The following IFT57 variants were observed in gnomAD, a reference collection of about 807,000 sequenced individuals.
The protein encoded by IFT57 is intraflagellar transport protein 57 homolog.
IFT57 carries 59 observed loss-of-function variants against 56.8 expected under a neutral mutation model. The ratio of observed to expected loss-of-function variants is 1.04; its 90% CI spans 0.84 to 1.29. The LOEUF is 1.29. Ranked by LOEUF, IFT57 falls within the 50% of genes most tolerant of loss-of-function variation. The pLI is 0.00. For missense variants in IFT57, 470 were observed against 522.1 expected (o/e 0.90, Z 0.97); for synonymous variants, 209 against 186.1 (o/e 1.12, Z -1.00).
rs114778192 is a variant in IFT57 at position 108,219,414 on chromosome 3, G to C, written c.371C>G (p.Ser124Ter). Reference protein sequence around the residue: ...TISNILSELRSFGRTADFPPS... With the variant: ...TISNILSELR ...AGAAGGGTCGTTTACACTTACAAAT[G>C]ACCGAAGCTCGGATAGTATGTTAGA... Residue 124 changes from serine to a stop codon, truncating the protein, a stop_gained, in exon 2 of 11, where the codon TCA (serine) becomes TGA (stop). Coordinates refer to ENST00000264538, the MANE Select transcript of IFT57 (RefSeq NM_018010.4). LOFTEE classifies it high-confidence loss of function. The C allele has an allele frequency of 3.7e-5, 59 of 1,600,850 alleles. No individual in the cohort carries two copies. Among genetic ancestry groups the C allele is most frequent in the Non-Finnish European group, 5.0e-5 (58 of 1,169,078 alleles).
intron 10 of IFT57, among the ~76,000 whole-genome samples, chr3:108,163,080 A>T (rs1288765007): frequency 6.6e-6 from 1 of 152,164 alleles, no homozygotes; most frequent in Non-Finnish European, 1.5e-5. Context: ...CTTTTGCAAG[A>T]TCATTCAGTA....
At chr3:108,197,028 T>G (rs1252994819) in intron 5 of IFT57, among the ~76,000 whole-genome samples, 1 of 152,160 alleles carries the variant, frequency 6.6e-6, no homozygotes. Flanking sequence ...ACAAGAGAAA[T>G]AAACTGCTTT....
intron 4 of IFT57, among the ~76,000 whole-genome samples, chr3:108,213,102 A>T (rs930208791): frequency 6.6e-6 from 1 of 152,096 alleles, no homozygotes; most frequent in African/African-American, 2.4e-5. Flanking sequence ...GCTTACTTTT[A>T]GTGTAAGAAT....
chr3:108,205,725 T>C (rs552315123), intron 5 of IFT57, among the ~76,000 whole-genome samples: 9 of 145,910 alleles, frequency 6.2e-5, no homozygotes, highest in African/African-American at 1.2e-4. Flanking sequence ...GAGGGTACAA[T>C]AGGTATATAT....
Position 108,165,418 on chromosome 3 carries a change from C to G in IFT57, c.1044+13G>C, listed in dbSNP as rs1404541597. The G allele has an allele frequency of 6.2e-7, 1 of 1,609,252 alleles. No homozygotes were observed. Among genetic ancestry groups the G allele is most frequent in the South Asian group, 1.1e-5 (1 of 90,986 alleles). On this transcript the variant is annotated intron_variant, in intron 9 of 10. Transcript: ENST00000264538. ...TGACAGGTGAGAAGCAGGGCAAGAG[C>G]ATCAGTGTGTACCTCAGAGAGGAGT...
chr3:108,163,025 G>C (rs1365463618), intron 10 of IFT57, among the ~76,000 whole-genome samples: 2 of 152,036 alleles, frequency 1.3e-5, no homozygotes, highest in Non-Finnish European at 2.9e-5. Context: ...TGTAGATAAT[G>C]GGCCCACTTA....
chr3:108,192,676 T>G (rs9853355), intron 5 of IFT57, among the ~76,000 whole-genome samples: 14,589 of 151,952 alleles, frequency 0.096, 750 homozygotes, highest in Middle Eastern at 0.12. Flanking sequence ...GAGAAAAAGA[T>G]ACTAAAGGGA....
At chr3:108,179,976 C>G (rs2108313473) in intron 6 of IFT57, among the ~76,000 whole-genome samples, 1 of 152,012 alleles carries the variant, frequency 6.6e-6, no homozygotes, top group South Asian at 2.1e-4. Flanking sequence ...ATCATGATCG[C>G]TGGAAATATG....
At chr3:108,177,961 G>C (rs941789597) in intron 6 of IFT57, among the ~76,000 whole-genome samples, 6 of 151,580 alleles carry the variant, frequency 4.0e-5, no homozygotes, top group African/African-American at 1.5e-4. Flanking sequence ...ACTGTTTAAA[G>C]TGAATTTAAC....
intron 6 of IFT57, among the ~76,000 whole-genome samples, chr3:108,189,753 T>TAGAAAATCCATGTATA (rs78101303): frequency 0.096 from 14,621 of 152,160 alleles, 764 homozygotes; most frequent in Middle Eastern, 0.12. Flanking sequence ...CTTTGTGCAG[T>TAGAAAATCCATGTATA]AGTTTTGACT....
At chr3:108,211,471 T>G (rs2080342341) in intron 4 of IFT57, among the ~76,000 whole-genome samples, 1 of 152,236 alleles carries the variant, frequency 6.6e-6, no homozygotes, top group Non-Finnish European at 1.5e-5. Context: ...CCCCCTCACT[T>G]AGGAGCTCTG....
intron 8 of IFT57, 72 bp downstream of exon 8, chr3:108,166,782 A>T: frequency 7.9e-7 from 1 of 1,258,838 alleles, no homozygotes; most frequent in East Asian, 2.5e-5. Context: ...TCTCAAATGA[A>T]CAGTATTGTG....
intron 5 of IFT57, among the ~76,000 whole-genome samples, chr3:108,195,964 T>C (rs1039628702): frequency 2.6e-5 from 4 of 152,152 alleles, no homozygotes; most frequent in African/African-American, 9.7e-5. Flanking sequence ...TAATGTATTA[T>C]ATATTTCAAA....
At chr3:108,213,267 G>C (rs1203599713) in intron 4 of IFT57, among the ~76,000 whole-genome samples, 1 of 152,050 alleles carries the variant, frequency 6.6e-6, no homozygotes. Flanking sequence ...CCCCCACATT[G>C]CTCAAGGGTC....
At chr3:108,173,207 C>G (rs1357124687) in intron 6 of IFT57, among the ~76,000 whole-genome samples, 1 of 151,596 alleles carries the variant, frequency 6.6e-6, no homozygotes, top group African/African-American at 2.4e-5. Flanking sequence ...AATCTGGAAA[C>G]CAAGTAAAAC....
At chr3:108,199,012 A>G (rs760393281) in intron 5 of IFT57, among the ~76,000 whole-genome samples, 7 of 152,202 alleles carry the variant, frequency 4.6e-5, no homozygotes, top group Non-Finnish European at 1.0e-4. Context: ...AATTGCATCA[A>G]TATCACACAA....
intron 6 of IFT57, among the ~76,000 whole-genome samples, chr3:108,170,037 A>G (rs1286200219): frequency 6.6e-6 from 1 of 152,068 alleles, no homozygotes; most frequent in African/African-American, 2.4e-5. Flanking sequence ...CCCATAGCCA[A>G]TATCATACTG....
chr3:108,183,864 A>G (rs2080164765), intron 6 of IFT57, among the ~76,000 whole-genome samples: 1 of 152,198 alleles, frequency 6.6e-6, no homozygotes, highest in African/African-American at 2.4e-5. Context: ...AATTTATATG[A>G]ATATGCATTC....
intron 5 of IFT57, among the ~76,000 whole-genome samples, chr3:108,195,420 C>A (rs187286386): frequency 6.6e-6 from 1 of 152,154 alleles, no homozygotes; most frequent in East Asian, 1.9e-4. Context: ...TTTGGAGGTT[C>A]CTCAAAAAAC....
Sources: allele counts gnomAD v4.1 joint callset (sites outside exome capture counted in the v4.1 genomes callset), GRCh38; gene constraint gnomAD v4.1.1; transcripts MANE v1.5; gene names NCBI Gene and HGNC (gene_info 2026-07-23, HGNC 2026-07-21).